ARHGAP39: variants seen among roughly 807,000 people sequenced by gnomAD.
ARHGAP39 encodes Rho GTPase activating protein 39.
ARHGAP39 carries 44 observed loss-of-function variants against 106.9 expected under a neutral mutation model. The observed-to-expected ratio is 0.41, with a 90% CI of 0.32 to 0.53. The LOEUF (loss-of-function observed/expected upper bound fraction) is 0.53, where lower values mean the gene tolerates loss of function less well. Ranked by LOEUF, ARHGAP39 falls within the 20% of genes least tolerant of loss-of-function variation. ARHGAP39 has a pLI of 0.21. For synonymous variants in ARHGAP39, 768 were observed against 693.2 expected, an observed-to-expected ratio of 1.11 and a Z score of -1.69; for missense variants, 1,496 against 1,577.3, an observed-to-expected ratio of 0.95 and a Z score of 0.87.
At chr8:144,659,025 G>T (rs906310953) in intron 1 of ARHGAP39, among the ~76,000 whole-genome samples, 2 of 152,152 alleles carry the variant, frequency 1.3e-5, no homozygotes, top group South Asian at 4.2e-4. Flanking sequence ...ACAGGGTTAG[G>T]GTGTAATAGC....
rs749075341 is a variant in ARHGAP39, at chr8:144,591,364, C to T, written c.81-10087G>A. On this transcript the variant is annotated intron_variant, in intron 2 of 11. Transcript: ENST00000377307. This position sits in a 1 kb window ranked among gnomAD's most constrained non-coding sequence, Gnocchi z 5.3. ...ACCCAAGGAAACCCCAAGAAGGCAC[C>T]TGCAAGCAGACATCTGCAGGAAACT... Among the ~76,000 whole-genome samples, 1 of 152,332 alleles carries T rather than the reference C, an allele frequency of 6.6e-6. No individual in the cohort carries two copies. The highest frequency in any genetic ancestry group is 1.5e-5 in the Non-Finnish European group (1 of 68,024).
At chr8:144,554,180 C>T (rs908428806) in intron 4 of ARHGAP39, among the ~76,000 whole-genome samples, 20 of 152,202 alleles carry the variant, frequency 1.3e-4, no homozygotes, top group South Asian at 4.1e-4. Flanking sequence ...CTTGGACCTT[C>T]GTGGAGACCA....
At chr8:144,633,139 T>G (rs1178759729) in intron 1 of ARHGAP39, among the ~76,000 whole-genome samples, 1 of 151,204 alleles carries the variant, frequency 6.6e-6, no homozygotes, top group South Asian at 2.1e-4. Flanking sequence ...AAGACCCTGT[T>G]TTTTTTTGTT....
chr8:144,611,647 G>A (rs561571151), intron 1 of ARHGAP39, among the ~76,000 whole-genome samples: 8 of 152,134 alleles, frequency 5.3e-5, no homozygotes, highest in East Asian at 1.9e-4. Context: ...CAGTAACTCC[G>A]GATTGCTTTA....
intron 2 of ARHGAP39, among the ~76,000 whole-genome samples, chr8:144,593,334 G>A (rs757196301): frequency 1.9e-4 from 29 of 152,144 alleles, no homozygotes; most frequent in Non-Finnish European, 3.1e-4. Flanking sequence ...CCACTCCATC[G>A]GGAAAGGAGA....
At chr8:144,603,002 GGTGTGTGTGCGAGCTCATGTATCT>G in intron 2 of ARHGAP39, among the ~76,000 whole-genome samples, 1 of 130,718 alleles carries the variant, frequency 7.7e-6, no homozygotes, top group African/African-American at 3.4e-5. Flanking sequence ...TGTGCGTGGA[GGTGTGTGTGCGAGCTCATGTATCT>G]GTGTGCGTGC....
intron 1 of ARHGAP39, among the ~76,000 whole-genome samples, chr8:144,619,647 C>T (rs556793223): frequency 2.0e-5 from 3 of 148,514 alleles, no homozygotes; most frequent in Admixed American, 6.7e-5. Flanking sequence ...AGCGTGTGTC[C>T]GTGCATGAGC....
intron 3 of ARHGAP39, among the ~76,000 whole-genome samples, chr8:144,561,435 G>T (rs1297597846): frequency 6.9e-6 from 1 of 145,582 alleles, no homozygotes; most frequent in Non-Finnish European, 1.5e-5. Flanking sequence ...CACTCCAGTG[G>T]TGTCCATCAC....
chr8:144,642,346 G>A (rs1821332934), intron 1 of ARHGAP39, among the ~76,000 whole-genome samples: 1 of 152,066 alleles, frequency 6.6e-6, no homozygotes, highest in Admixed American at 6.6e-5. Flanking sequence ...TATTAGCCAG[G>A]CATGGTGGCG....
At chr8:144,662,525 T>C (rs1356369473) in intron 1 of ARHGAP39, among the ~76,000 whole-genome samples, 2 of 139,194 alleles carry the variant, frequency 1.4e-5, no homozygotes, top group Non-Finnish European at 3.1e-5. Flanking sequence ...ATTATCCACC[T>C]TGAACCCCTC....
upstream of ARHGAP39, among the ~76,000 whole-genome samples, chr8:144,689,263 A>G (rs547842834): frequency 1.6e-3 from 245 of 151,992 alleles, 1 homozygote; most frequent in Non-Finnish European, 2.3e-3. Context: ...AACTAGAAGT[A>G]AGTTTGACTT....
intron 1 of ARHGAP39, among the ~76,000 whole-genome samples, chr8:144,622,760 C>T (rs879759647): frequency 4.8e-4 from 73 of 152,324 alleles, no homozygotes; most frequent in African/African-American, 1.6e-3. Flanking sequence ...GAGAACAAAA[C>T]CTAAGTAAAA....
chr8:144,596,862 C>T (rs1191355634), intron 2 of ARHGAP39, among the ~76,000 whole-genome samples: 4 of 152,218 alleles, frequency 2.6e-5, no homozygotes, highest in South Asian at 2.1e-4. Context: ...CCCCTAAGCA[C>T]CGGAGGGCGC....
chr8:144,553,257 C>T (rs1586897583), intron 4 of ARHGAP39, among the ~76,000 whole-genome samples: 1 of 152,186 alleles, frequency 6.6e-6, no homozygotes, highest in African/African-American at 2.4e-5. Flanking sequence ...CCGTGGCAGG[C>T]CCTCTCACTG....
chr8:144,603,139 C>A (rs1820132755), intron 2 of ARHGAP39, among the ~76,000 whole-genome samples: 1 of 127,514 alleles, frequency 7.8e-6, no homozygotes, highest in Non-Finnish European at 1.6e-5. Flanking sequence ...GCTGGTGTAC[C>A]TGTGTGCATG....
intron 1 of ARHGAP39, among the ~76,000 whole-genome samples, chr8:144,632,290 G>A (rs1031369940): frequency 2.6e-5 from 4 of 152,146 alleles, no homozygotes; most frequent in Non-Finnish European, 5.9e-5. Flanking sequence ...CCCACCTCCC[G>A]TCACTTGTCC....
chr8:144,591,360 G>A lies in ARHGAP39; in HGVS notation c.81-10083C>T, dbSNP rs1415331749. Among the ~76,000 whole-genome samples, 1 of 152,162 alleles carries A rather than the reference G, an allele frequency of 6.6e-6. No individual in the cohort carries two copies. The highest frequency in any genetic ancestry group is 2.4e-5 in the African/African-American group (1 of 41,436). Reference sequence around the variant, plus strand: ...GGGCACCCAAGGAAACCCCAAGAAGGCACCTGCAAGCAGACATCTGCAGGA... The same window carrying A: ...GGGCACCCAAGGAAACCCCAAGAAGACACCTGCAAGCAGACATCTGCAGGA... On this transcript the variant is annotated intron_variant, in intron 2 of 11. Transcript: ENST00000377307. The surrounding 1 kb of genome is among the most constrained non-coding windows in gnomAD (Gnocchi z 5.3).
At chr8:144,619,348 C>T (rs575570762) in intron 1 of ARHGAP39, among the ~76,000 whole-genome samples, 3 of 152,388 alleles carry the variant, frequency 2.0e-5, no homozygotes, top group African/African-American at 4.8e-5. Context: ...AGGGCCGGCA[C>T]GCAGCATGCA....
In ARHGAP39 at chr8:144,641,683, T is replaced by A. The variant is rs1284369183; in HGVS notation, c.-81-35988A>T. On this transcript the variant is annotated intron_variant, in intron 1 of 11. Transcript: ENST00000377307. This position sits in a 1 kb window ranked among gnomAD's most constrained non-coding sequence, Gnocchi z 5.2. ...GAGGATGTGGCTTCATGGGCTCTAT[T>A]TAGGAGGGGAGCTCGGGAAGAAGAA... 6.6e-6 allele frequency among the ~76,000 whole-genome samples: 1 copy of A among 152,180 alleles called. No homozygotes were observed. Among genetic ancestry groups the A allele is most frequent in the African/African-American group, 2.4e-5 (1 of 41,438 alleles).
Sources: allele counts gnomAD v4.1 joint callset (sites outside exome capture counted in the v4.1 genomes callset), GRCh38; gene constraint gnomAD v4.1.1; non-coding constraint Gnocchi (gnomAD v3.1); transcripts MANE v1.5; gene names NCBI Gene and HGNC (gene_info 2026-07-23, HGNC 2026-07-21).